Variants in RAD51B observed in about 807,000 individuals in gnomAD.
RAD51B encodes the protein RAD51 paralog B.
In RAD51B, 38 loss-of-function variants were observed where a neutral mutation model predicts 42.2. The observed-to-expected ratio is 0.90, with a 90% CI of 0.70 to 1.18. The LOEUF is 1.18. Ranked by LOEUF, RAD51B falls within the 50% of genes most tolerant of loss-of-function variation. The pLI, the probability that RAD51B is intolerant of heterozygous loss-of-function variation, is 0.00. For missense variants in RAD51B, 373 were observed against 400.7 expected, an observed-to-expected ratio of 0.93 and a Z score of 0.59; for synonymous variants, 154 against 145.2, an observed-to-expected ratio of 1.06 and a Z score of -0.43.
chr14:68,083,144 G>A (rs189400091), intron 7 of RAD51B, among the ~76,000 whole-genome samples: 103 of 152,166 alleles, frequency 6.8e-4, no homozygotes, highest in South Asian at 3.7e-3. Flanking sequence ...TCATGAAAAC[G>A]GTATCTTTTA....
chr14:68,399,619 T>A (rs2084035601), intron 8 of RAD51B, among the ~76,000 whole-genome samples: 1 of 152,228 alleles, frequency 6.6e-6, no homozygotes, highest in African/African-American at 2.4e-5. Flanking sequence ...AGTTACCAAT[T>A]TATTTTATAA....
At chr14:67,986,531 A>G (rs2075197068) in intron 7 of RAD51B, among the ~76,000 whole-genome samples, 1 of 152,200 alleles carries the variant, frequency 6.6e-6, no homozygotes. Context: ...TTCCATATAC[A>G]GAGTCCCAAA....
rs954913421 is a variant in RAD51B, at chr14:68,045,259, A to G, written c.756+158055A>G. 1.1e-4 allele frequency among the ~76,000 whole-genome samples: 16 copies of G among 150,984 alleles called. No homozygotes were observed. The South Asian group carries it at 1.5e-3, about 14-fold the overall frequency. Reference sequence around the variant, plus strand: ...CTCAAAAAAAAAAAAAAAAAAAAAAAAAAAGAAAAGAAAATTGAAATGACT... The same window carrying G: ...CTCAAAAAAAAAAAAAAAAAAAAAAGAAAAGAAAAGAAAATTGAAATGACT... On this transcript the variant is annotated intron_variant, in intron 7 of 10. Transcript: ENST00000471583.
chr14:68,509,387 T>C (rs1042145401), intron 10 of RAD51B, among the ~76,000 whole-genome samples: 3 of 152,262 alleles, frequency 2.0e-5, no homozygotes, highest in Admixed American at 1.3e-4. Flanking sequence ...AGCTGTGCTG[T>C]TCCCTGAGTG....
At chr14:68,278,536 AGTTT>A (rs1173117934) in intron 7 of RAD51B, among the ~76,000 whole-genome samples, 1 of 152,226 alleles carries the variant, frequency 6.6e-6, no homozygotes, top group Non-Finnish European at 1.5e-5. Flanking sequence ...AGTGCTCTTC[AGTTT>A]TCACCCTGAT....
At chr14:68,277,710 A>G (rs1001298220) in intron 7 of RAD51B, among the ~76,000 whole-genome samples, 4 of 152,182 alleles carry the variant, frequency 2.6e-5, no homozygotes, top group Non-Finnish European at 5.9e-5. Flanking sequence ...ATCTTGCCAC[A>G]GGTGAGAATC....
chr14:67,832,764 A>G (rs769014586), intron 3 of RAD51B, among the ~76,000 whole-genome samples: 3 of 152,184 alleles, frequency 2.0e-5, no homozygotes, highest in Non-Finnish European at 4.4e-5. Context: ...TATTTGCTCC[A>G]TATCCTAGCA....
At chr14:67,975,275 T>G (rs1185485975) in intron 7 of RAD51B, among the ~76,000 whole-genome samples, 1 of 152,214 alleles carries the variant, frequency 6.6e-6, no homozygotes, top group Non-Finnish European at 1.5e-5. Flanking sequence ...CTTTGCTGGC[T>G]TCCAATCCTT....
chr14:68,477,193 T>C (rs2140252662), intron 10 of RAD51B, among the ~76,000 whole-genome samples: 1 of 152,348 alleles, frequency 6.6e-6, no homozygotes, highest in Admixed American at 6.5e-5. Flanking sequence ...ACAGGGCTGC[T>C]TTCAATGGCT....
At chr14:68,303,288 G>C (rs929263966) in intron 8 of RAD51B, among the ~76,000 whole-genome samples, 1 of 151,960 alleles carries the variant, frequency 6.6e-6, no homozygotes, top group Non-Finnish European at 1.5e-5. Context: ...ACATGGACAC[G>C]GGGAGAGAAA....
At position 68,038,829 on chromosome 14, in the gene RAD51B, TA is replaced by T. The variant is rs1359396482; in HGVS notation, c.756+151630del. Among the ~76,000 whole-genome samples the T allele has an allele frequency of 5.9e-5, 9 of 152,262 alleles. 1 individual carries two copies. Among genetic ancestry groups the T allele is most frequent in the African/African-American group, 2.2e-4 (9 of 41,560 alleles). On this transcript the variant is annotated intron_variant, in intron 7 of 10. Transcript: ENST00000471583. ...TAAACTTACAATTAAATAAATTATTTAAAAACAAAGATAATACTCAAAACTC... is the reference window on the plus strand; with the variant it reads ...TAAACTTACAATTAAATAAATTATTTAAAACAAAGATAATACTCAAAACTC...
At chr14:68,095,535 T>A (rs2077177318) in intron 7 of RAD51B, among the ~76,000 whole-genome samples, 2 of 152,144 alleles carry the variant, frequency 1.3e-5, no homozygotes, top group South Asian at 2.1e-4. Context: ...ATGTATACTG[T>A]TTTTTGTTTT....
chr14:68,389,648 A>G (rs1188387375), intron 8 of RAD51B, among the ~76,000 whole-genome samples: 2 of 152,216 alleles, frequency 1.3e-5, no homozygotes, highest in African/African-American at 4.8e-5. Context: ...AGATCTACCA[A>G]TGTGTTCTAA....
At chr14:68,492,371 T>G (rs1884147066) in intron 10 of RAD51B, among the ~76,000 whole-genome samples, 1 of 152,236 alleles carries the variant, frequency 6.6e-6, no homozygotes, top group South Asian at 2.1e-4. Flanking sequence ...GCAGCCGTCT[T>G]TGATTTATTC....
At chr14:68,635,556 A>G (rs2140126097) in intron 10 of RAD51B, among the ~76,000 whole-genome samples, 1 of 151,888 alleles carries the variant, frequency 6.6e-6, no homozygotes, top group South Asian at 2.1e-4. Context: ...AATTTATATC[A>G]TAGTTATTTA....
intron 7 of RAD51B, among the ~76,000 whole-genome samples, chr14:68,252,036 C>A: frequency 6.6e-6 from 1 of 152,088 alleles, no homozygotes; most frequent in Non-Finnish European, 1.5e-5. Context: ...CAGCCAATAG[C>A]CTTTCTTTTT....
chr14:68,463,309 A>T (rs774351709), intron 9 of RAD51B, among the ~76,000 whole-genome samples: 1 of 152,218 alleles, frequency 6.6e-6, no homozygotes, highest in African/African-American at 2.4e-5. Flanking sequence ...CCTGAAATAT[A>T]TTGGGCTAGA....
chr14:68,206,299 A>C (rs1049727406), intron 7 of RAD51B, among the ~76,000 whole-genome samples: 1 of 152,054 alleles, frequency 6.6e-6, no homozygotes, highest in African/African-American at 2.4e-5. Context: ...GCATTGTCTA[A>C]TTTTTCCTTT....
At chr14:68,072,225 A>ATATAT in intron 7 of RAD51B, among the ~76,000 whole-genome samples, 1 of 126,450 alleles carries the variant, frequency 7.9e-6, no homozygotes, top group African/African-American at 3.5e-5. Context: ...TATATATATA[A>ATATAT]AATAAACTCC....
Sources: allele counts gnomAD v4.1 joint callset (sites outside exome capture counted in the v4.1 genomes callset), GRCh38; gene constraint gnomAD v4.1.1; transcripts MANE v1.5; gene names NCBI Gene and HGNC (gene_info 2026-07-23, HGNC 2026-07-21).